SEMA6D: variants seen among roughly 807,000 people sequenced by gnomAD.
SEMA6D encodes semaphorin 6D, also known as semaphorin-6D.
In SEMA6D, 35 loss-of-function variants were observed where a neutral mutation model predicts 106.6. That is an observed-to-expected ratio of 0.33 (90% confidence interval 0.25 to 0.44). The LOEUF (loss-of-function observed/expected upper bound fraction) is 0.44, where lower values mean the gene tolerates loss of function less well. Among genes scored for constraint, SEMA6D ranks in the 20% least tolerant of loss-of-function variants. SEMA6D has a pLI of 1.00. For missense variants in SEMA6D, 1,185 were observed against 1,345.9 expected, an observed-to-expected ratio of 0.88 and a Z score of 1.87; for synonymous variants, 499 against 487.7, an observed-to-expected ratio of 1.02 and a Z score of -0.31.
At chr15:47,504,032 A>T (rs2043954017) in intron 3 of SEMA6D, among the ~76,000 whole-genome samples, 1 of 152,186 alleles carries the variant, frequency 6.6e-6, no homozygotes, top group African/African-American at 2.4e-5. Flanking sequence ...CTCAGTTTCC[A>T]TAGCAAACAC....
intron 3 of SEMA6D, among the ~76,000 whole-genome samples, chr15:47,516,001 A>G (rs1190637872): frequency 6.6e-6 from 1 of 152,164 alleles, no homozygotes; most frequent in Non-Finnish European, 1.5e-5. Flanking sequence ...TACTTTTGGA[A>G]ACCAGAGAGC....
intron 1 of SEMA6D, among the ~76,000 whole-genome samples, chr15:47,337,514 TA>T (rs940864677): frequency 1.3e-5 from 2 of 151,924 alleles, no homozygotes; most frequent in Non-Finnish European, 2.9e-5. Context: ...GAGGGCTATT[TA>T]AAAAAAACAG....
Position 47,772,357 on chromosome 15 carries a change from CGTGT to C in SEMA6D, c.*603_*606del, listed in dbSNP as rs71432251. On this transcript the variant is annotated 3_prime_UTR_variant, in exon 19 of 19. Coordinates refer to ENST00000536845, the MANE Select transcript of SEMA6D (RefSeq NM_001358351.3). ...CACCAACAAACTTGTTGTGTGTGTG[CGTGT>C]GTGTGTGTGTGTGTGTGTGTGTGTG... The C allele has an allele frequency of 1.2e-3, 163 of 141,668 alleles. No homozygotes were observed. Among genetic ancestry groups the C allele is most frequent in the East Asian group, 9.3e-3 (45 of 4,826 alleles). 8.8% of individuals were successfully genotyped at this position (141,668 alleles called of 1,614,324 possible). A position where few individuals can be genotyped will look rare whatever the true frequency, so the allele number is the denominator to read the frequency against.
chr15:47,612,154 T>G (rs1206259437), intron 4 of SEMA6D, among the ~76,000 whole-genome samples: 1 of 152,102 alleles, frequency 6.6e-6, no homozygotes, highest in Non-Finnish European at 1.5e-5. Context: ...AGAGTATAAA[T>G]TTCATAGCAA....
chr15:47,495,064 A>C (rs1156560668), intron 3 of SEMA6D, among the ~76,000 whole-genome samples: 4 of 151,618 alleles, frequency 2.6e-5, no homozygotes, highest in Non-Finnish European at 5.9e-5. Flanking sequence ...AAAATACTGA[A>C]TATTTAAAAG....
At chr15:47,209,168 A>G (rs1895315618) in intron 1 of SEMA6D, among the ~76,000 whole-genome samples, 1 of 152,228 alleles carries the variant, frequency 6.6e-6, no homozygotes, top group Non-Finnish European at 1.5e-5. Flanking sequence ...GGAATAAAAT[A>G]TTCAATAAAA....
At chr15:47,200,458 ATATG>A (rs1894646237) in intron 1 of SEMA6D, among the ~76,000 whole-genome samples, 4 of 152,320 alleles carry the variant, frequency 2.6e-5, no homozygotes, top group Admixed American at 6.5e-5. Context: ...TGGGAACAAA[ATATG>A]TACTCAAAAG....
intron 1 of SEMA6D, among the ~76,000 whole-genome samples, chr15:47,288,724 G>T (rs767153952): frequency 1.3e-5 from 2 of 152,084 alleles, no homozygotes; most frequent in African/African-American, 4.8e-5. Flanking sequence ...GCAAGCAGAG[G>T]TCAGTTACTT....
chr15:47,316,242 G>A (rs139966023), intron 1 of SEMA6D, among the ~76,000 whole-genome samples: 62 of 151,542 alleles, frequency 4.1e-4, no homozygotes, highest in Middle Eastern at 3.4e-3. Context: ...ACAGGCACCC[G>A]CCACCACGCC....
At chr15:47,658,269 A>T (rs1384108938) in intron 4 of SEMA6D, among the ~76,000 whole-genome samples, 5 of 152,182 alleles carry the variant, frequency 3.3e-5, no homozygotes, top group Non-Finnish European at 7.3e-5. Context: ...GTAACTGATC[A>T]TATTAATAGA....
chr15:47,234,749 T>C (rs187049347), intron 1 of SEMA6D, among the ~76,000 whole-genome samples: 302 of 152,222 alleles, frequency 2.0e-3, no homozygotes, highest in Middle Eastern at 3.4e-3. Context: ...ACTCATCAGT[T>C]GATGGGCACT....
chr15:47,340,015 C>T (rs540626187), intron 1 of SEMA6D, among the ~76,000 whole-genome samples: 2 of 152,072 alleles, frequency 1.3e-5, no homozygotes, highest in African/African-American at 2.4e-5. Flanking sequence ...AATCACGTGA[C>T]CTTTGAGAAA....
At chr15:47,747,039 C>T (rs577327392) in intron 1 of SEMA6D, among the ~76,000 whole-genome samples, 2 of 145,114 alleles carry the variant, frequency 1.4e-5, no homozygotes, top group Non-Finnish European at 3.0e-5. Context: ...ATTATACTTT[C>T]ACAAAGCAAG....
rs1035464459 is a variant in SEMA6D, at chr15:47,225,888, C to T, written c.-239+41470C>T. Among the ~76,000 whole-genome samples, 9 of 152,046 alleles carry T rather than the reference C, an allele frequency of 5.9e-5. 1 individual carries two copies. In the South Asian group the frequency reaches 1.0e-3, roughly 18 times the overall value. ...TGGTATAACAGTACTTTATTGGGTACGTACTTTTCAGAATATACACACAGA... is the reference window on the plus strand; with the variant it reads ...TGGTATAACAGTACTTTATTGGGTATGTACTTTTCAGAATATACACACAGA... On this transcript the variant is annotated intron_variant, in intron 1 of 19. Transcript: ENST00000558014.
chr15:47,474,706 T>G (rs538007455), intron 3 of SEMA6D, among the ~76,000 whole-genome samples: 10 of 152,324 alleles, frequency 6.6e-5, no homozygotes, highest in South Asian at 6.2e-4. Flanking sequence ...TGCTTAATAT[T>G]GAGGCAAAAA....
At chr15:47,291,064 G>C (rs1444446002) in intron 1 of SEMA6D, among the ~76,000 whole-genome samples, 1 of 152,100 alleles carries the variant, frequency 6.6e-6, no homozygotes, top group Non-Finnish European at 1.5e-5. Context: ...TCTTCATTCA[G>C]AGTAATAGAA....
intron 1 of SEMA6D, among the ~76,000 whole-genome samples, chr15:47,347,210 T>A (rs2038081547): frequency 6.6e-6 from 1 of 150,994 alleles, no homozygotes; most frequent in African/African-American, 2.4e-5. Context: ...ACCAAAAGAG[T>A]TTTTCTTAAC....
At chr15:47,397,059 G>A (rs1256224338) in intron 1 of SEMA6D, among the ~76,000 whole-genome samples, 1 of 152,154 alleles carries the variant, frequency 6.6e-6, no homozygotes, top group Non-Finnish European at 1.5e-5. Context: ...CTATTTATAA[G>A]TCCCTTCTCT....
intron 1 of SEMA6D, among the ~76,000 whole-genome samples, chr15:47,264,593 A>G (rs2034228776): frequency 6.6e-6 from 1 of 152,056 alleles, no homozygotes; most frequent in Non-Finnish European, 1.5e-5. Flanking sequence ...ATGTTTTATC[A>G]TAACCATTCT....
Sources: gnomAD v4.1 joint callset for allele counts (sites outside exome capture counted in the v4.1 genomes callset) on GRCh38, gnomAD v4.1.1 for gene constraint, MANE v1.5 for transcripts, NCBI Gene and HGNC (gene_info 2026-07-23, HGNC 2026-07-21) for gene names.